The following CMKLR2 variants were observed in gnomAD, a reference collection of about 807,000 sequenced individuals.
CMKLR2 encodes the protein chemerin chemokine-like receptor 2.
In CMKLR2, 18 loss-of-function variants were observed where a neutral mutation model predicts 23.0. The observed-to-expected ratio is 0.78, with a 90% CI of 0.54 to 1.16. The LOEUF (loss-of-function observed/expected upper bound fraction) is 1.16. CMKLR2 is among the 50% of genes most tolerant of loss of function. The probability of loss-of-function intolerance (pLI) is 0.00; values close to 1 mark genes in which losing one functional copy is unlikely to be tolerated. For synonymous variants in CMKLR2, 158 were observed against 158.9 expected (o/e 0.99, Z 0.05); for missense variants, 401 against 412.7 (o/e 0.97, Z 0.25).
chr2:206,195,856 A>G (rs534115746), intron 1 of CMKLR2, among the ~76,000 whole-genome samples: 24 of 152,170 alleles, frequency 1.6e-4, no homozygotes, highest in Non-Finnish European at 3.1e-4. Flanking sequence ...CGGGAGGCTG[A>G]GGCAGAAGAA....
At chr2:206,177,983 A>G (rs1005953691) in intron 1 of CMKLR2, among the ~76,000 whole-genome samples, 2 of 152,178 alleles carry the variant, frequency 1.3e-5, no homozygotes, top group African/African-American at 4.8e-5. Flanking sequence ...TAGCTTCAAA[A>G]TCTGTATTTC....
In CMKLR2 at chr2:206,176,361, T is replaced by C. The variant is rs766344244; in HGVS notation, c.887A>G (p.Asn296Ser). Residue 296 changes from asparagine to serine, a missense_variant, in exon 2 of 2, where the codon AAT (asparagine) becomes AGT (serine). By Grantham distance (46) the Asn-to-Ser change is conservative. Transcript: ENST00000621141. Reference protein sequence around the residue: ...IPLSTGLAFLNSCLNPILYVL... With the variant: ...IPLSTGLAFLSSCLNPILYVL... ...ATAAAGGATGGGGTTCAAGCAACTA[T>C]TGAGGAATGCCAAACCAGTGGAGAG... The C allele has an allele frequency of 4.3e-6, 7 of 1,614,022 alleles. No homozygotes were observed. The highest frequency in any genetic ancestry group is 3.3e-5 in the Admixed American group (2 of 59,984).
At chr2:206,206,451 T>G (rs2105836612) in intron 1 of CMKLR2, among the ~76,000 whole-genome samples, 1 of 152,350 alleles carries the variant, frequency 6.6e-6, no homozygotes, top group East Asian at 1.9e-4. Flanking sequence ...TTGACTAAGC[T>G]TTTATCTCCT....
intron 1 of CMKLR2, among the ~76,000 whole-genome samples, chr2:206,185,897 T>A (rs1404423746): frequency 2.0e-5 from 3 of 152,158 alleles, no homozygotes; most frequent in Non-Finnish European, 4.4e-5. Context: ...CCTCTTCTCA[T>A]GGGCTAGAAT....
At chr2:206,181,671 G>A (rs987653072) in intron 1 of CMKLR2, among the ~76,000 whole-genome samples, 1 of 152,094 alleles carries the variant, frequency 6.6e-6, no homozygotes, top group Non-Finnish European at 1.5e-5. Context: ...AATCATAAGG[G>A]GCTGAGAGCA....
At chr2:206,181,117 G>T (rs960271040) in intron 1 of CMKLR2, among the ~76,000 whole-genome samples, 2 of 151,486 alleles carry the variant, frequency 1.3e-5, no homozygotes, top group African/African-American at 4.9e-5. Context: ...GAGTGCAGTG[G>T]TGCGATCTCG....
intron 1 of CMKLR2, among the ~76,000 whole-genome samples, chr2:206,211,881 G>A (rs1248806600): frequency 7.2e-6 from 1 of 139,352 alleles, no homozygotes; most frequent in Non-Finnish European, 1.5e-5. Context: ...GCCCAGGCTG[G>A]AATGCAGTGG....
chr2:206,182,593 TCACTGCCAGACTCTCTC>T (rs1341470543), intron 1 of CMKLR2, among the ~76,000 whole-genome samples: 1 of 152,004 alleles, frequency 6.6e-6, no homozygotes, highest in Non-Finnish European at 1.5e-5. Flanking sequence ...TAAGTCAGGG[TCACTGCCAGACTCTCTC>T]CAACCTTGAC....
chr2:206,187,590 A>G (rs923785792), intron 1 of CMKLR2, among the ~76,000 whole-genome samples: 1 of 152,190 alleles, frequency 6.6e-6, no homozygotes, highest in Non-Finnish European at 1.5e-5. Context: ...AAAAAGTGGT[A>G]TTACACTGTA....
chr2:206,197,971 C>T (rs1409799860), intron 1 of CMKLR2, among the ~76,000 whole-genome samples: 1 of 152,216 alleles, frequency 6.6e-6, no homozygotes, highest in Admixed American at 6.5e-5. Flanking sequence ...GCTCACTCTA[C>T]ACATCTAGGG....
Position 206,194,268 on chromosome 2 carries a change from G to A in CMKLR2, c.-28-16993C>T, listed in dbSNP as rs185776677. The stretch of plus-strand genomic sequence containing the variant: ...ACAATTCTAGAACTTCCTTTCATTC[G>A]TACAGATTATGCTTGAAAATATTTG... On this transcript the variant is annotated intron_variant, in intron 1 of 1. Transcript: ENST00000621141. Among the ~76,000 whole-genome samples the A allele has an allele frequency of 2.0e-3, 307 of 152,200 alleles. 1 individual carries two copies. The highest frequency in any genetic ancestry group is 6.8e-3 in the African/African-American group (283 of 41,526).
intron 1 of CMKLR2, among the ~76,000 whole-genome samples, chr2:206,186,323 G>A (rs1187468832): frequency 6.6e-6 from 1 of 152,096 alleles, no homozygotes; most frequent in Non-Finnish European, 1.5e-5. Flanking sequence ...GTGTTAGCCA[G>A]GATGGTCTCG....
At chr2:206,197,214 C>A (rs1026209686) in intron 1 of CMKLR2, among the ~76,000 whole-genome samples, 1 of 152,006 alleles carries the variant, frequency 6.6e-6, no homozygotes, top group South Asian at 2.1e-4. Context: ...GGCCCAAATG[C>A]ATATTCTTTA....
At chr2:206,178,522 A>G (rs1046906449) in intron 1 of CMKLR2, among the ~76,000 whole-genome samples, 1 of 152,204 alleles carries the variant, frequency 6.6e-6, no homozygotes, top group Non-Finnish European at 1.5e-5. Context: ...CTTAATTTCT[A>G]TATTAATTTC....
chr2:206,179,054 C>CGTTTTTT (rs1559082864), intron 1 of CMKLR2, among the ~76,000 whole-genome samples: 1 of 123,654 alleles, frequency 8.1e-6, no homozygotes, highest in African/African-American at 2.9e-5. Context: ...GCTCCCTGTC[C>CGTTTTTT]CTTTTTTTTT....
intron 1 of CMKLR2, among the ~76,000 whole-genome samples, chr2:206,193,641 C>T (rs528299617): frequency 7.9e-5 from 12 of 152,228 alleles, no homozygotes; most frequent in African/African-American, 2.6e-4. Context: ...TGTATCGTAA[C>T]GTAACAAAGG....
At chr2:206,197,948 G>A (rs900444537) in intron 1 of CMKLR2, among the ~76,000 whole-genome samples, 1 of 152,008 alleles carries the variant, frequency 6.6e-6, no homozygotes, top group Non-Finnish European at 1.5e-5. Context: ...ATCCATCTTC[G>A]AACACCTGGA....
In CMKLR2 at chr2:206,208,220, G is replaced by A. The variant is rs1026101021; in HGVS notation, c.-29+5087C>T. On this transcript the variant is annotated intron_variant, in intron 1 of 1. Coordinates refer to ENST00000621141, the MANE Select transcript of CMKLR2 (RefSeq NM_001389445.1). ...CAATGAATGTCTCGTGAAAGAAGAA[G>A]GAAGTGCTTCCTCAATCAACAAAAC... Among the ~76,000 whole-genome samples the A allele has an allele frequency of 4.0e-3, 610 of 152,300 alleles. 7 individuals are homozygous for A. The highest frequency in any genetic ancestry group is 0.014 in the African/African-American group (569 of 41,562).
At position 206,207,050 on chromosome 2, in the gene CMKLR2, T is replaced by C. The variant is rs570075979; in HGVS notation, c.-29+6257A>G. Among the ~76,000 whole-genome samples, 139 of 151,912 alleles carry C rather than the reference T, an allele frequency of 9.2e-4. No homozygotes were observed. In the Middle Eastern group the frequency reaches 0.01, roughly 11 times the overall value. Reference sequence around the variant, plus strand: ...ACCAGCACTTCTGACTGACAACAGTTGCCATTTCTAGGAAAAGATGATGAG... The same window carrying C: ...ACCAGCACTTCTGACTGACAACAGTCGCCATTTCTAGGAAAAGATGATGAG... On this transcript the variant is annotated intron_variant, in intron 1 of 1. Coordinates refer to ENST00000621141, the MANE Select transcript of CMKLR2 (RefSeq NM_001389445.1).
Sources: gnomAD v4.1 joint callset for allele counts (sites outside exome capture counted in the v4.1 genomes callset) on GRCh38, gnomAD v4.1.1 for gene constraint, MANE v1.5 for transcripts, NCBI Gene and HGNC (gene_info 2026-07-23, HGNC 2026-07-21) for gene names.